The following PVT1 variants were observed in gnomAD, a reference collection of about 807,000 sequenced individuals.
The protein encoded by PVT1 is Pvt1 oncogene.
chr8:127,840,646 C>T (rs1467274026), intron 2 of PVT1, among the ~76,000 whole-genome samples: 3 of 152,226 alleles, frequency 2.0e-5, no homozygotes, highest in South Asian at 4.1e-4. Context: ...GGGACCGGCT[C>T]CTGGCCTTGG....
At chr8:128,007,845 C>T (rs1813631531) in intron 4 of PVT1, among the ~76,000 whole-genome samples, 1 of 152,226 alleles carries the variant, frequency 6.6e-6, no homozygotes, top group Non-Finnish European at 1.5e-5. Context: ...GCCCAGTGGA[C>T]ACCCACCTAA....
At chr8:127,978,870 A>G (rs1043952807) in intron 3 of PVT1, among the ~76,000 whole-genome samples, 4 of 152,128 alleles carry the variant, frequency 2.6e-5, no homozygotes, top group Non-Finnish European at 5.9e-5. Flanking sequence ...AACTCAGTGT[A>G]TTCTTGAACT....
intron 3 of PVT1, among the ~76,000 whole-genome samples, chr8:127,926,211 G>T (rs1247814986): frequency 3.9e-5 from 6 of 152,166 alleles, no homozygotes; most frequent in Non-Finnish European, 1.5e-5. Flanking sequence ...TTCAGCCCAG[G>T]CAGTGTCTGG....
intron 2 of PVT1, among the ~76,000 whole-genome samples, chr8:127,838,886 G>T (rs1462246708): frequency 6.6e-6 from 1 of 152,112 alleles, no homozygotes; most frequent in African/African-American, 2.4e-5. Context: ...TACAACGGTG[G>T]CCCTATGAGA....
intron 2 of PVT1, among the ~76,000 whole-genome samples, chr8:127,832,084 TCAAGTG>T (rs1814856737): frequency 1.3e-5 from 2 of 152,078 alleles, no homozygotes; most frequent in Non-Finnish European, 2.9e-5. Context: ...CTTAAAAACG[TCAAGTG>T]TTTTTTTTTC....
chr8:127,937,071 T>C (rs1816285038), intron 3 of PVT1, among the ~76,000 whole-genome samples: 2 of 152,234 alleles, frequency 1.3e-5, no homozygotes, highest in African/African-American at 4.8e-5. Flanking sequence ...CCCCTCGGGC[T>C]TGCAGCCCGC....
At chr8:127,848,831 C>T (rs1391317337) in intron 2 of PVT1, among the ~76,000 whole-genome samples, 1 of 152,152 alleles carries the variant, frequency 6.6e-6, no homozygotes, top group East Asian at 1.9e-4. Context: ...TACAGCCTGG[C>T]AGAGGACATG....
chr8:127,983,294 G>T (rs1450385694), intron 3 of PVT1, among the ~76,000 whole-genome samples: 3 of 152,186 alleles, frequency 2.0e-5, no homozygotes, highest in Non-Finnish European at 4.4e-5. Context: ...TTGGACGGAG[G>T]TGGTGGTTCA....
intron 4 of PVT1, among the ~76,000 whole-genome samples, chr8:128,059,982 C>G (rs545788956): frequency 3.8e-4 from 58 of 152,236 alleles, no homozygotes; most frequent in Non-Finnish European, 5.7e-4. Flanking sequence ...AGAGGCTGGG[C>G]GTGGTGGCTC....
intron 5 of PVT1, among the ~76,000 whole-genome samples, chr8:128,077,498 A>C (rs532738526): frequency 6.6e-5 from 10 of 152,234 alleles, no homozygotes; most frequent in East Asian, 1.9e-4. Flanking sequence ...TGGAAAAAAA[A>C]CTCATAATTT....
At chr8:127,821,447 T>G (rs553099516) in intron 2 of PVT1, among the ~76,000 whole-genome samples, 17 of 152,362 alleles carry the variant, frequency 1.1e-4, no homozygotes, top group Non-Finnish European at 1.9e-4. Context: ...TATACTAAGT[T>G]AAATAAAACA....
intron 2 of PVT1, among the ~76,000 whole-genome samples, chr8:127,808,195 A>G (rs961624006): frequency 1.3e-5 from 2 of 151,948 alleles, no homozygotes; most frequent in African/African-American, 4.8e-5. Flanking sequence ...CTTCAGGCAC[A>G]ACCCCCGTCT....
intron 3 of PVT1, among the ~76,000 whole-genome samples, chr8:127,921,261 AG>A (rs1211919729): frequency 6.6e-6 from 1 of 152,184 alleles, no homozygotes; most frequent in Non-Finnish European, 1.5e-5. Flanking sequence ...TAGCAGAATC[AG>A]GGTTGTTAAC....
chr8:127,929,141 A>G (rs1296938753), intron 3 of PVT1, among the ~76,000 whole-genome samples: 2 of 151,242 alleles, frequency 1.3e-5, no homozygotes, highest in African/African-American at 4.9e-5. Flanking sequence ...GAGTCCTGGC[A>G]TTGCATGAAA....
chr8:128,001,814 T>TA lies in PVT1; in HGVS notation n.912+12524dup, dbSNP rs527512630. On this transcript the variant is annotated intron_variant and non_coding_transcript_variant, in intron 4 of 10. Transcript: ENST00000651587. ...CCTGCTTCTTGGTTCAGTGTCTTCT[T>TA]ACCGCGTCCTCACATGGAGGAAGGG... Among the ~76,000 whole-genome samples, 214 of 152,328 alleles carry TA rather than the reference T, an allele frequency of 1.4e-3. 2 individuals carry two copies. Among genetic ancestry groups the TA allele is most frequent in the Admixed American group, 0.013 (198 of 15,306 alleles).
At chr8:127,843,002 T>G (rs978040574) in intron 2 of PVT1, among the ~76,000 whole-genome samples, 2 of 152,142 alleles carry the variant, frequency 1.3e-5, no homozygotes, top group African/African-American at 4.8e-5. Context: ...GAGCCCCAGT[T>G]TCCTGGTCTA....
At chr8:127,847,859 T>A (rs1278190693) in intron 2 of PVT1, among the ~76,000 whole-genome samples, 1 of 151,700 alleles carries the variant, frequency 6.6e-6, no homozygotes, top group Admixed American at 6.6e-5. Flanking sequence ...AGGAGGGAGA[T>A]GCAGGGAGGG....
chr8:127,900,272 A>T (rs1242612547), intron 3 of PVT1, among the ~76,000 whole-genome samples: 3 of 151,778 alleles, frequency 2.0e-5, no homozygotes, highest in Non-Finnish European at 4.4e-5. Flanking sequence ...TGATCTTCTG[A>T]CCTCATGATC....
intron 4 of PVT1, among the ~76,000 whole-genome samples, chr8:128,008,628 T>C (rs1817275186): frequency 6.6e-6 from 1 of 152,254 alleles, no homozygotes; most frequent in Non-Finnish European, 1.5e-5. Flanking sequence ...TGGGTTCCTC[T>C]GCTTCTCTCT....
Sources: allele counts gnomAD v4.1 joint callset (sites outside exome capture counted in the v4.1 genomes callset), GRCh38; gene constraint gnomAD v4.1.1; transcripts MANE v1.5; gene names NCBI Gene and HGNC (gene_info 2026-07-23, HGNC 2026-07-21).